Variants in ASIC2 observed in about 807,000 individuals in gnomAD.
ASIC2 encodes the protein acid-sensing ion channel 2.
ASIC2 carries 25 observed loss-of-function variants against 57.3 expected under a neutral mutation model. The observed-to-expected ratio is 0.44, with a 90% CI of 0.32 to 0.61. ASIC2 has a LOEUF of 0.61. Ranked by LOEUF, ASIC2 falls within the 20% of genes least tolerant of loss-of-function variation. The pLI is 0.06. For missense variants in ASIC2, 641 were observed against 738.1 expected, an observed-to-expected ratio of 0.87 and a Z score of 1.52; for synonymous variants, 319 against 307.5, an observed-to-expected ratio of 1.04 and a Z score of -0.39.
rs1446781186 is a variant in ASIC2, at chr17:33,799,380, T to TCC, written c.555+356597_555+356598insGG. On this transcript the variant is annotated intron_variant, in intron 1 of 9. Transcript: ENST00000359872. ...TTTCTTTCTTTCTTTCTTTCTTCCT[T>TCC]TCTTTCTTTCTTTCTTTCTTTCTTT... is the stretch of plus-strand genomic sequence containing the variant. 3.1e-3 allele frequency among the ~76,000 whole-genome samples: 71 copies of TCC among 22,934 alleles called. 1 individual carries two copies. The highest frequency in any genetic ancestry group is 8.1e-3 in the African/African-American group (56 of 6,882). 15.0% of individuals were successfully genotyped at this position (22,934 alleles called of 152,430 possible).
At chr17:33,496,848 C>A (rs188966900) in intron 1 of ASIC2, among the ~76,000 whole-genome samples, 11 of 152,114 alleles carry the variant, frequency 7.2e-5, no homozygotes, top group African/African-American at 1.9e-4. Flanking sequence ...AAACTCCTGA[C>A]CTCAAGTGAT....
chr17:34,054,042 A>G (rs906034861), intron 1 of ASIC2, among the ~76,000 whole-genome samples: 1 of 152,244 alleles, frequency 6.6e-6, no homozygotes, highest in Non-Finnish European at 1.5e-5. Flanking sequence ...GTAGAGTGGG[A>G]GTCATAAGTA....
intron 1 of ASIC2, among the ~76,000 whole-genome samples, chr17:33,276,982 A>G (rs539648464): frequency 7.2e-5 from 11 of 152,188 alleles, no homozygotes. Context: ...TCCTTGCTAC[A>G]TATAATGTGG....
chr17:33,059,433 GT>G (rs1451898136), intron 3 of ASIC2, among the ~76,000 whole-genome samples: 2 of 152,108 alleles, frequency 1.3e-5, no homozygotes, highest in African/African-American at 2.4e-5. Context: ...CCTTGCAATA[GT>G]TTCCTGAGAA....
chr17:33,396,228 T>C (rs772770890), intron 1 of ASIC2, among the ~76,000 whole-genome samples: 1 of 152,194 alleles, frequency 6.6e-6, no homozygotes, highest in Non-Finnish European at 1.5e-5. Context: ...CTCAGGATAC[T>C]CAGTCCAAGT....
At chr17:33,729,346 C>G (rs758811097) in intron 1 of ASIC2, among the ~76,000 whole-genome samples, 11 of 152,144 alleles carry the variant, frequency 7.2e-5, no homozygotes, top group Non-Finnish European at 1.3e-4. Flanking sequence ...AGGATGGCAC[C>G]AAGCTGGTGC....
chr17:33,552,018 C>T (rs1278355667), intron 1 of ASIC2, among the ~76,000 whole-genome samples: 5 of 152,174 alleles, frequency 3.3e-5, no homozygotes, highest in Admixed American at 3.3e-4. Context: ...GAACCAGGCT[C>T]TTCAGACAGT....
intron 3 of ASIC2, among the ~76,000 whole-genome samples, chr17:33,073,191 C>T (rs1482485156): frequency 4.6e-5 from 7 of 152,130 alleles, no homozygotes; most frequent in African/African-American, 1.7e-4. Flanking sequence ...GTTGCTAATG[C>T]AAAGTGGTTT....
chr17:33,116,537 G>A (rs1410956086), intron 1 of ASIC2, among the ~76,000 whole-genome samples: 1 of 152,144 alleles, frequency 6.6e-6, no homozygotes, highest in Non-Finnish European at 1.5e-5. Context: ...GCATTTGCCG[G>A]GTTGCTGAGA....
intron 1 of ASIC2, among the ~76,000 whole-genome samples, chr17:33,531,588 C>T (rs942254465): frequency 6.6e-6 from 1 of 152,192 alleles, no homozygotes; most frequent in African/African-American, 2.4e-5. Flanking sequence ...GCTAAAAATT[C>T]TGCAAATTGC....
chr17:34,027,005 G>T (rs1427341651), intron 1 of ASIC2, among the ~76,000 whole-genome samples: 1 of 152,102 alleles, frequency 6.6e-6, no homozygotes, highest in Non-Finnish European at 1.5e-5. Context: ...AATTACCCAG[G>T]AATGTGGCAA....
chr17:33,994,052 T>A (rs1947533105), intron 1 of ASIC2, among the ~76,000 whole-genome samples: 1 of 152,152 alleles, frequency 6.6e-6, no homozygotes, highest in African/African-American at 2.4e-5. Flanking sequence ...AACTTAGACA[T>A]GTATTAGATT....
At chr17:33,529,210 A>G (rs998542592) in intron 1 of ASIC2, among the ~76,000 whole-genome samples, 3 of 152,204 alleles carry the variant, frequency 2.0e-5, no homozygotes, top group Admixed American at 6.5e-5. Context: ...AATTATTTTC[A>G]ACCCTGACTG....
intron 1 of ASIC2, among the ~76,000 whole-genome samples, chr17:33,226,527 G>T (rs1020897641): frequency 6.6e-6 from 1 of 152,140 alleles, no homozygotes. Context: ...AGGAAAAGAG[G>T]TTATGAATGT....
chr17:33,760,532 G>A (rs1220687840), intron 1 of ASIC2, among the ~76,000 whole-genome samples: 1 of 151,848 alleles, frequency 6.6e-6, no homozygotes, highest in African/African-American at 2.4e-5. Context: ...GTGTGTGTGT[G>A]TGTGCCATAG....
At chr17:34,075,191 C>A (rs1382133349) in intron 1 of ASIC2, among the ~76,000 whole-genome samples, 1 of 152,132 alleles carries the variant, frequency 6.6e-6, no homozygotes, top group Non-Finnish European at 1.5e-5. Context: ...CTCGGTGAGC[C>A]TAAATGTGGA....
At chr17:33,150,575 T>C (rs935585144) in intron 1 of ASIC2, among the ~76,000 whole-genome samples, 12 of 151,820 alleles carry the variant, frequency 7.9e-5, no homozygotes, top group Non-Finnish European at 1.6e-4. Flanking sequence ...TTCTTGGGGG[T>C]GTGGGGGTTC....
intron 1 of ASIC2, among the ~76,000 whole-genome samples, chr17:33,717,965 T>C (rs947088001): frequency 6.6e-6 from 1 of 152,180 alleles, no homozygotes. Flanking sequence ...AGTGTTGAAG[T>C]GACCCAGACC....
intron 1 of ASIC2, among the ~76,000 whole-genome samples, chr17:33,151,198 C>T (rs1274896121): frequency 3.0e-5 from 4 of 135,244 alleles, no homozygotes; most frequent in Admixed American, 7.0e-5. Context: ...CACACACACA[C>T]ACGCGCGCAC....
Sources: allele counts gnomAD v4.1 joint callset (sites outside exome capture counted in the v4.1 genomes callset), GRCh38; gene constraint gnomAD v4.1.1; transcripts MANE v1.5; gene names NCBI Gene and HGNC (gene_info 2026-07-23, HGNC 2026-07-21).